Variants in MEFV observed in about 807,000 individuals in gnomAD.
MEFV encodes pyrin.
Under a neutral mutation model 62.5 loss-of-function variants are expected in MEFV, and 60 were observed. The observed-to-expected ratio is 0.96, with a 90% CI of 0.78 to 1.19. The LOEUF (loss-of-function observed/expected upper bound fraction) is 1.19, where lower values mean the gene tolerates loss of function less well. Ranked by LOEUF, MEFV falls within the 50% of genes most tolerant of loss-of-function variation. The pLI, the probability that MEFV is intolerant of heterozygous loss-of-function variation, is 0.00. For synonymous variants in MEFV, 500 were observed against 415.2 expected (o/e 1.20, Z -2.48); for missense variants, 1,169 against 1,004.5 (o/e 1.16, Z -2.21).
In MEFV at chr16:3,256,602, G is replaced by C. The variant is rs11466015; in HGVS notation, c.-15C>G. ...GTCTTAGCCATGGTGCTGAGCAGGA[G>C]AGGCTCGAGCCAGCTGTCTGGCTTC... is the stretch of plus-strand genomic sequence containing the variant. On this transcript the variant is annotated 5_prime_UTR_variant, in exon 1 of 10. Coordinates refer to ENST00000219596, the MANE Select transcript of MEFV (RefSeq NM_000243.3). The C allele has an allele frequency of 6.2e-4, 1,000 of 1,614,138 alleles. 7 individuals are homozygous for C. In the African/African-American group the frequency reaches 0.012, roughly 19 times the overall value.
rs1409478152 is a variant in MEFV, at chr16:3,242,998, G to T, written c.*143C>A. 1 of 891,300 alleles carries T rather than the reference G, an allele frequency of 1.1e-6. No individual in the cohort carries two copies. Among genetic ancestry groups the T allele is most frequent in the East Asian group, 2.6e-5 (1 of 38,074 alleles). The allele number at this position is 891,300 out of a possible 1,614,324, so 55.2% of individuals were successfully genotyped here. A position where few individuals can be genotyped will look rare whatever the true frequency, so the allele number is the denominator to read the frequency against. On this transcript the variant is annotated 3_prime_UTR_variant, in exon 10 of 10. Coordinates refer to ENST00000219596, the MANE Select transcript of MEFV (RefSeq NM_000243.3). ...TTCCTAACTTACCTCTGCTATAATC[G>T]GGTAGGCTCCGTGGGCACAGTAACT...
chr16:3,244,457 T>G lies in MEFV; in HGVS notation c.1726+16A>C. ...AAGTGAGCATGCACCTCCAATCTTC[T>G]CCCAAGCCCATCTACCTGAGAAGTA... On this transcript the variant is annotated intron_variant, in intron 7 of 9. Coordinates refer to ENST00000219596, the MANE Select transcript of MEFV (RefSeq NM_000243.3). The G allele has an allele frequency of 6.2e-7, 1 of 1,609,522 alleles. No homozygotes were observed. Among genetic ancestry groups the G allele is most frequent in the Non-Finnish European group, 8.5e-7 (1 of 1,175,988 alleles).
In MEFV at chr16:3,243,012, G is replaced by A; in HGVS notation, c.*129C>T. The A allele has an allele frequency of 1.9e-6, 2 of 1,068,350 alleles. No individual in the cohort carries two copies. The highest frequency in any genetic ancestry group is 1.6e-5 in the African/African-American group (1 of 64,184). The allele number at this position is 1,068,350 out of a possible 1,614,324, so 66.2% of individuals were successfully genotyped here. The stretch of plus-strand genomic sequence containing the variant: ...CTGCTATAATCGGGTAGGCTCCGTG[G>A]GCACAGTAACTATTTTGTTATTTTT... On this transcript the variant is annotated 3_prime_UTR_variant, in exon 10 of 10. Coordinates refer to ENST00000219596, the MANE Select transcript of MEFV (RefSeq NM_000243.3).
chr16:3,245,366 G>T (rs1190760486), intron 6 of MEFV, among the ~76,000 whole-genome samples: 1 of 152,150 alleles, frequency 6.6e-6, no homozygotes, highest in Non-Finnish European at 1.5e-5. Context: ...AAATGGCTGG[G>T]CACGGTGGCT....
chr16:3,242,196 C>T lies in MEFV; in HGVS notation c.*945G>A, dbSNP rs1958863451. On this transcript the variant is annotated 3_prime_UTR_variant, in exon 10 of 10. Transcript: ENST00000219596. The stretch of plus-strand genomic sequence containing the variant: ...TGGCCAACATGATGAAACCTCATGT[C>T]TACTAAAAATGCAAAAAATTAGCCG... 1 of 256,052 alleles carries T rather than the reference C, an allele frequency of 3.9e-6. No individual in the cohort carries two copies. The highest frequency in any genetic ancestry group is 8.1e-6 in the Non-Finnish European group (1 of 123,372). The allele number at this position is 256,052 out of a possible 1,614,324, so 15.9% of individuals were successfully genotyped here. A position where few individuals can be genotyped will look rare whatever the true frequency, so the allele number is the denominator to read the frequency against.
In MEFV at chr16:3,242,849, G is replaced by C. The variant is rs560496227; in HGVS notation, c.*292C>G. The stretch of plus-strand genomic sequence containing the variant: ...AGGGAAAATGAGGGCCAAATCTTCT[G>C]TTCAGGAGCACCTGAGAGTGCCACC... On this transcript the variant is annotated 3_prime_UTR_variant, in exon 10 of 10. Coordinates refer to ENST00000219596, the MANE Select transcript of MEFV (RefSeq NM_000243.3). 233 of 465,272 alleles carry C rather than the reference G, an allele frequency of 5.0e-4. 4 individuals are homozygous for C. The highest frequency in any genetic ancestry group is 4.7e-3 in the South Asian group (230 of 49,076). 28.8% of individuals were successfully genotyped at this position (465,272 alleles called of 1,614,324 possible).
chr16:3,247,659 T>C lies in MEFV; in HGVS notation c.1357-413A>G, dbSNP rs571495104. The C allele has an allele frequency of 1.0e-4, 23 of 220,164 alleles. No homozygotes were observed. The South Asian group carries it at 1.6e-3, about 15-fold the overall frequency. 13.6% of individuals were successfully genotyped at this position (220,164 alleles called of 1,614,324 possible). A position where few individuals can be genotyped will look rare whatever the true frequency, so the allele number is the denominator to read the frequency against. On this transcript the variant is annotated intron_variant, in intron 4 of 9. Transcript: ENST00000219596. Reference sequence around the variant, plus strand: ...ATAAAATGGGGAAATTTGGGCTGGGTGCATTGGCTCATGTCTGTAATCCCA... The same window carrying C: ...ATAAAATGGGGAAATTTGGGCTGGGCGCATTGGCTCATGTCTGTAATCCCA...
intron 4 of MEFV, among the ~76,000 whole-genome samples, chr16:3,248,120 G>A (rs567492400): frequency 2.0e-5 from 3 of 151,682 alleles, no homozygotes; most frequent in East Asian, 3.9e-4. Context: ...TTAGCCAGGC[G>A]CGGTGGCAGG....
At chr16:3,246,927 G>A (rs1043098714) in intron 5 of MEFV, 89 bp downstream of exon 5, 9 of 1,290,138 alleles carry the variant, frequency 7.0e-6, no homozygotes, top group Admixed American at 1.8e-5. Flanking sequence ...TCACCCACTT[G>A]TTCCAGCACG....
In MEFV at chr16:3,243,095, C is replaced by A; in HGVS notation, c.*46G>T. 1.9e-6 allele frequency: 3 copies of A among 1,601,208 alleles called. No individual in the cohort carries two copies. Among genetic ancestry groups the A allele is most frequent in the Non-Finnish European group, 2.6e-6 (3 of 1,170,298 alleles). On this transcript the variant is annotated 3_prime_UTR_variant, in exon 10 of 10. Transcript: ENST00000219596. ...ATTCCGTGACTATTGAGTGTGAATG[C>A]AAGATACAAGGCCAGAAGCAGGAAG...
chr16:3,243,761 C>A, intron 9 of MEFV, 67 bp from the exon 10 acceptor site: 1 of 1,610,302 alleles, frequency 6.2e-7, no homozygotes, highest in East Asian at 2.2e-5. Context: ...TTCTCCCCAC[C>A]TGCAGGAAAC....
At chr16:3,248,734 T>C in intron 4 of MEFV, 175 bp downstream of exon 4, 2 of 985,250 alleles carry the variant, frequency 2.0e-6, no homozygotes, top group African/African-American at 3.5e-5. Flanking sequence ...CTGCTGGGGG[T>C]GGTCTCCCTC....
At position 3,254,798 on chromosome 16, in the gene MEFV, GACA is replaced by G; in HGVS notation, c.278-11_278-9del. 3.7e-6 allele frequency: 6 copies of G among 1,610,530 alleles called. No individual in the cohort carries two copies. Among genetic ancestry groups the G allele is most frequent in the Non-Finnish European group, 5.1e-6 (6 of 1,179,994 alleles). Reference sequence around the variant, plus strand: ...TTTCTTGTGTGGAATATTCTGGAAGGACAACCAGATGCAAAATGATGAAGCTGT... The same window carrying G: ...TTTCTTGTGTGGAATATTCTGGAAGGACCAGATGCAAAATGATGAAGCTGT... On this transcript the variant is annotated splice_polypyrimidine_tract_variant and intron_variant, in intron 1 of 9. Transcript: ENST00000219596.
intron 2 of MEFV, among the ~76,000 whole-genome samples, chr16:3,250,467 G>C (rs2141672712): frequency 6.6e-6 from 1 of 152,078 alleles, no homozygotes; most frequent in South Asian, 2.1e-4. Context: ...AAATTAGCCA[G>C]GTGTGGTGGT....
At chr16:3,255,571 A>AT (rs894155986) in intron 1 of MEFV, among the ~76,000 whole-genome samples, 19 of 151,448 alleles carry the variant, frequency 1.3e-4, no homozygotes, top group African/African-American at 4.6e-4. Flanking sequence ...CGCCTGGCTC[A>AT]TTTTTTTGTA....
intron 1 of MEFV, among the ~76,000 whole-genome samples, chr16:3,255,010 C>T (rs1485489110): frequency 1.3e-5 from 2 of 152,108 alleles, no homozygotes; most frequent in South Asian, 2.1e-4. Flanking sequence ...GGTGAAACCC[C>T]GTCTCTACTA....
At chr16:3,245,043 T>G (rs562189485) in intron 6 of MEFV, among the ~76,000 whole-genome samples, 62 of 152,198 alleles carry the variant, frequency 4.1e-4, no homozygotes, top group African/African-American at 1.4e-3. Flanking sequence ...TCCTAGCACT[T>G]CAGGAGGCCG....
intron 3 of MEFV, 123 bp from the exon 4 acceptor site, chr16:3,249,127 G>A: frequency 1.0e-6 from 1 of 978,980 alleles, no homozygotes; most frequent in Non-Finnish European, 1.6e-6. Flanking sequence ...CCAGCGGCAT[G>A]GGGAGGGGTG....
chr16:3,242,672 CAA>C lies in MEFV; in HGVS notation c.*467_*468del, dbSNP rs61379197. 0.028 allele frequency: 5,120 copies of C among 179,932 alleles called. 19 individuals carry two copies. Among genetic ancestry groups the C allele is most frequent in the South Asian group, 0.082 (1,087 of 13,322 alleles). 11.1% of individuals were successfully genotyped at this position (179,932 alleles called of 1,614,324 possible). ...TGGGCCACAGAGCAAGATTTGGTCT[CAA>C]AAAAAAAAAAAAAAAATCATAGTTC... On this transcript the variant is annotated 3_prime_UTR_variant, in exon 10 of 10. Coordinates refer to ENST00000219596, the MANE Select transcript of MEFV (RefSeq NM_000243.3).
Sources: gnomAD v4.1 joint callset for allele counts (sites outside exome capture counted in the v4.1 genomes callset) on GRCh38, gnomAD v4.1.1 for gene constraint, MANE v1.5 for transcripts, NCBI Gene and HGNC (gene_info 2026-07-23, HGNC 2026-07-21) for gene names.